Variants in SNTG2 observed in about 807,000 individuals in gnomAD.
SNTG2 encodes the protein gamma-2-syntrophin.
SNTG2 carries 74 observed loss-of-function variants against 70.9 expected under a neutral mutation model. The ratio of observed to expected loss-of-function variants is 1.04; its 90% confidence interval spans 0.86 to 1.27. The LOEUF (loss-of-function observed/expected upper bound fraction) is 1.27, where lower values mean the gene tolerates loss of function less well. Ranked by LOEUF, SNTG2 falls within the 50% of genes most tolerant of loss-of-function variation. The probability of loss-of-function intolerance (pLI) is 0.00; values close to 1 mark genes in which losing one functional copy is unlikely to be tolerated. For missense variants in SNTG2, 717 were observed against 690.7 expected, an observed-to-expected ratio of 1.04 and a Z score of -0.43; for synonymous variants, 278 against 273.8, an observed-to-expected ratio of 1.02 and a Z score of -0.15.
chr2:966,674 C>T (rs538271232), intron 1 of SNTG2, among the ~76,000 whole-genome samples: 493 of 152,254 alleles, frequency 3.2e-3, no homozygotes, highest in African/African-American at 0.011. Flanking sequence ...TGGCCGGGCG[C>T]GGTGGCTCAC....
intron 6 of SNTG2, among the ~76,000 whole-genome samples, chr2:1,150,462 C>G (rs922162752): frequency 2.6e-5 from 4 of 152,110 alleles, no homozygotes; most frequent in African/African-American, 7.2e-5. Flanking sequence ...TTCATTGGCT[C>G]TAATTGGTGG....
intron 16 of SNTG2, chr2:1,341,181 C>T (rs1660066977): frequency 6.6e-6 from 1 of 152,190 alleles, no homozygotes; most frequent in East Asian, 1.9e-4. Flanking sequence ...CCGGATTCAC[C>T]TGTGATCCTC....
intron 8 of SNTG2, among the ~76,000 whole-genome samples, chr2:1,187,674 G>A (rs940379033): frequency 3.9e-5 from 6 of 152,098 alleles, no homozygotes; most frequent in East Asian, 1.9e-4. Context: ...GTGAAACTAC[G>A]GAGCACCAAG....
intron 4 of SNTG2, among the ~76,000 whole-genome samples, chr2:1,110,315 C>T (rs1666358518): frequency 6.6e-6 from 1 of 152,132 alleles, no homozygotes; most frequent in South Asian, 2.1e-4. Context: ...TGGGCCTCCA[C>T]CTGTATTTTA....
chr2:1,092,561 A>C (rs1196937232), intron 2 of SNTG2, among the ~76,000 whole-genome samples: 2 of 152,220 alleles, frequency 1.3e-5, no homozygotes, highest in Non-Finnish European at 2.9e-5. Context: ...TCTGAACATG[A>C]GTTTGCAGCC....
intron 1 of SNTG2, among the ~76,000 whole-genome samples, chr2:985,574 A>T (rs1661278792): frequency 6.6e-6 from 1 of 152,104 alleles, no homozygotes; most frequent in Non-Finnish European, 1.5e-5. Context: ...TTGCTTTTTA[A>T]CTTTGGGGGA....
intron 14 of SNTG2, among the ~76,000 whole-genome samples, chr2:1,280,746 T>C (rs147762304): frequency 1.5e-3 from 230 of 152,346 alleles, no homozygotes; most frequent in African/African-American, 5.4e-3. Context: ...CATATTAAAG[T>C]TATTGAATGC....
rs552893639 is a variant in SNTG2, at chr2:1,115,473, C to T, written c.325+17063C>T. Among the ~76,000 whole-genome samples the T allele has an allele frequency of 2.6e-5, 4 of 151,528 alleles. No homozygotes were observed. The East Asian group carries it at 5.9e-4, about 22-fold the overall frequency. On this transcript the variant is annotated intron_variant, in intron 4 of 16. Coordinates refer to ENST00000308624, the MANE Select transcript of SNTG2 (RefSeq NM_018968.4). ...ACCCTTACAGTCCTTTGAGGAGGAT[C>T]GTGTGTACTAAGTGAGGTTTAACCC...
At chr2:1,156,357 T>G (rs144352510) in intron 6 of SNTG2, among the ~76,000 whole-genome samples, 22 of 152,102 alleles carry the variant, frequency 1.4e-4, no homozygotes, top group South Asian at 4.2e-4. Flanking sequence ...AGTCGGCAGA[T>G]CAGGAGTACA....
chr2:1,115,182 T>A (rs528535449), intron 4 of SNTG2, among the ~76,000 whole-genome samples: 1 of 151,158 alleles, frequency 6.6e-6, no homozygotes, highest in Admixed American at 6.6e-5. Flanking sequence ...GGTTTAACCC[T>A]TACAGTCCTT....
intron 9 of SNTG2, among the ~76,000 whole-genome samples, chr2:1,216,882 C>G (rs565581847): frequency 2.0e-5 from 3 of 152,220 alleles, no homozygotes; most frequent in South Asian, 2.1e-4. Context: ...GAATTCTCAT[C>G]AGATCTGATG....
At chr2:1,105,313 C>T (rs1558403921) in intron 4 of SNTG2, among the ~76,000 whole-genome samples, 1 of 152,190 alleles carries the variant, frequency 6.6e-6, no homozygotes. Flanking sequence ...TCCATGGTTT[C>T]AGGCATCTGC....
intron 13 of SNTG2, among the ~76,000 whole-genome samples, chr2:1,264,998 T>C (rs899211235): frequency 1.3e-5 from 2 of 152,196 alleles, no homozygotes; most frequent in African/African-American, 4.8e-5. Flanking sequence ...GAGTCAAAAG[T>C]TATGCATGAA....
At chr2:1,057,433 A>G (rs1189498797) in intron 1 of SNTG2, among the ~76,000 whole-genome samples, 3 of 152,182 alleles carry the variant, frequency 2.0e-5, no homozygotes, top group Admixed American at 6.5e-5. Flanking sequence ...AAGTGTGAAC[A>G]TAGTCCGTCT....
intron 4 of SNTG2, among the ~76,000 whole-genome samples, chr2:1,115,464 G>A (rs1049253292): frequency 2.6e-5 from 4 of 152,022 alleles, no homozygotes; most frequent in Non-Finnish European, 4.4e-5. Context: ...ACAGTCCTTT[G>A]AGGAGGATCG....
At chr2:1,161,963 A>G (rs1453482152) in intron 6 of SNTG2, among the ~76,000 whole-genome samples, 2 of 148,560 alleles carry the variant, frequency 1.3e-5, no homozygotes, top group African/African-American at 2.5e-5. Flanking sequence ...AGTCCCAGCT[A>G]CTTGGGAGGC....
chr2:1,134,938 A>G (rs899117254), intron 4 of SNTG2, among the ~76,000 whole-genome samples: 3 of 152,186 alleles, frequency 2.0e-5, no homozygotes, highest in African/African-American at 7.2e-5. Context: ...TGGGGGACCC[A>G]GTACACCCTC....
At chr2:1,185,324 T>G (rs1672179010) in intron 8 of SNTG2, among the ~76,000 whole-genome samples, 1 of 152,122 alleles carries the variant, frequency 6.6e-6, no homozygotes, top group Non-Finnish European at 1.5e-5. Context: ...TGTCAGTAGA[T>G]CTATCATTCT....
chr2:1,152,522 G>A (rs1437721464), intron 6 of SNTG2, among the ~76,000 whole-genome samples: 1 of 152,118 alleles, frequency 6.6e-6, no homozygotes, highest in Non-Finnish European at 1.5e-5. Context: ...GTACATGTGT[G>A]TGCATGTGTA....
Sources: allele counts gnomAD v4.1 joint callset (sites outside exome capture counted in the v4.1 genomes callset), GRCh38; gene constraint gnomAD v4.1.1; transcripts MANE v1.5; gene names NCBI Gene and HGNC (gene_info 2026-07-23, HGNC 2026-07-21).